Variants in PDE10A observed in about 807,000 individuals in gnomAD.
PDE10A encodes cAMP and cAMP-inhibited cGMP 3',5'-cyclic phosphodiesterase 10A.
In PDE10A, 39 loss-of-function variants were observed where a neutral mutation model predicts 97.7. The ratio of observed to expected loss-of-function variants is 0.40; its 90% CI spans 0.31 to 0.52. The LOEUF (loss-of-function observed/expected upper bound fraction) is 0.52. PDE10A is among the 20% of genes least tolerant of loss of function. The probability of loss-of-function intolerance (pLI) is 0.56; values close to 1 mark genes in which losing one functional copy is unlikely to be tolerated. For synonymous variants in PDE10A, 371 were observed against 376.8 expected (o/e 0.98, Z 0.18); for missense variants, 731 against 1,047.8 (o/e 0.70, Z 4.17).
chr6:165,663,576 CAG>C (rs1583747701), upstream of PDE10A, among the ~76,000 whole-genome samples: 3 of 152,338 alleles, frequency 2.0e-5, no homozygotes, highest in East Asian at 5.8e-4. Flanking sequence ...TGTGCTCAGT[CAG>C]AGTTCCCGGG....
At chr6:165,783,946 G>T (rs374325483) in intron 1 of PDE10A, among the ~76,000 whole-genome samples, 1 of 152,134 alleles carries the variant, frequency 6.6e-6, no homozygotes, top group Non-Finnish European at 1.5e-5. Flanking sequence ...TTGGCCGGGC[G>T]CGGTGGCTCA....
intron 1 of PDE10A, among the ~76,000 whole-genome samples, chr6:165,972,981 C>T (rs1784732701): frequency 1.3e-5 from 2 of 152,102 alleles, no homozygotes; most frequent in South Asian, 4.1e-4. Flanking sequence ...TCTCCCCTTC[C>T]CCTCACCGTC....
At chr6:165,430,892 G>C (rs1351621580) in intron 8 of PDE10A, among the ~76,000 whole-genome samples, 2 of 152,030 alleles carry the variant, frequency 1.3e-5, no homozygotes, top group Non-Finnish European at 2.9e-5. Context: ...AAAATAAAAA[G>C]AGAGAAGGAG....
intron 1 of PDE10A, among the ~76,000 whole-genome samples, chr6:165,748,966 C>T (rs999525296): frequency 3.9e-5 from 6 of 152,070 alleles, no homozygotes; most frequent in Admixed American, 1.3e-4. Context: ...CAAGTTAACC[C>T]GTTTCAGGTT....
intron 1 of PDE10A, among the ~76,000 whole-genome samples, chr6:165,624,164 G>C (rs1274002721): frequency 6.6e-6 from 1 of 152,196 alleles, no homozygotes; most frequent in Non-Finnish European, 1.5e-5. Flanking sequence ...TCTCACAAGA[G>C]TTCCCACAAG....
At chr6:165,526,470 T>A (rs1782454085) in intron 2 of PDE10A, among the ~76,000 whole-genome samples, 1 of 152,238 alleles carries the variant, frequency 6.6e-6, no homozygotes, top group East Asian at 1.9e-4. Context: ...ATGGAAGCCA[T>A]TAGAGCTGCT....
At chr6:165,851,953 T>C (rs1780584753) in intron 1 of PDE10A, among the ~76,000 whole-genome samples, 3 of 152,172 alleles carry the variant, frequency 2.0e-5, no homozygotes, top group Admixed American at 6.5e-5. Context: ...TGTATAGATA[T>C]AGATATATAA....
intron 1 of PDE10A, among the ~76,000 whole-genome samples, chr6:165,865,496 T>C (rs2128477454): frequency 6.6e-6 from 1 of 151,972 alleles, no homozygotes; most frequent in South Asian, 2.1e-4. Flanking sequence ...AATTATGATA[T>C]TAAAAAAACT....
intron 1 of PDE10A, among the ~76,000 whole-genome samples, chr6:165,966,754 T>C (rs1784523651): frequency 6.6e-6 from 1 of 152,216 alleles, no homozygotes; most frequent in Non-Finnish European, 1.5e-5. Context: ...GAGGTGAAAC[T>C]TGTCCCCAAA....
At chr6:165,893,818 A>T (rs6415091) in intron 1 of PDE10A, among the ~76,000 whole-genome samples, 4 of 149,616 alleles carry the variant, frequency 2.7e-5, no homozygotes, top group Non-Finnish European at 5.9e-5. Context: ...CAACAACATT[A>T]GTGCCATTTT....
chr6:165,848,879 A>G (rs1780496370), intron 1 of PDE10A, among the ~76,000 whole-genome samples: 1 of 152,106 alleles, frequency 6.6e-6, no homozygotes, highest in Admixed American at 6.5e-5. Flanking sequence ...GCAGGAGAGA[A>G]TCTGTGATGT....
chr6:165,748,174 T>A (rs571316974), intron 1 of PDE10A, among the ~76,000 whole-genome samples: 5 of 152,198 alleles, frequency 3.3e-5, no homozygotes, highest in African/African-American at 1.2e-4. Context: ...AAATGCTGAG[T>A]CTTCTTTCTT....
chr6:165,658,632 T>C (rs965161083), intron 1 of PDE10A, among the ~76,000 whole-genome samples: 1 of 152,384 alleles, frequency 6.6e-6, no homozygotes. Context: ...ACCTATGTTA[T>C]CTTTTCTAGA....
chr6:165,514,775 G>A (rs1426153317), intron 2 of PDE10A, among the ~76,000 whole-genome samples: 1 of 152,244 alleles, frequency 6.6e-6, no homozygotes, highest in Non-Finnish European at 1.5e-5. Flanking sequence ...GGTACCGGAA[G>A]TAGCTCCAGG....
intron 1 of PDE10A, among the ~76,000 whole-genome samples, chr6:165,886,391 C>T (rs538532333): frequency 6.6e-6 from 1 of 151,982 alleles, no homozygotes; most frequent in African/African-American, 2.4e-5. Flanking sequence ...GAGCCAGAAG[C>T]CCTGGAGCCC....
chr6:165,961,299 A>T (rs1182159088), intron 1 of PDE10A, among the ~76,000 whole-genome samples: 1 of 152,188 alleles, frequency 6.6e-6, no homozygotes, highest in Non-Finnish European at 1.5e-5. Context: ...CTGAGATCAC[A>T]AGCCGGGCAA....
intron 5 of PDE10A, among the ~76,000 whole-genome samples, chr6:165,440,177 C>T (rs1306969590): frequency 6.6e-6 from 1 of 152,130 alleles, no homozygotes. Flanking sequence ...CCCACATTTA[C>T]CTGGAACTTG....
chr6:165,665,439 T>C (rs942114627), upstream of PDE10A, among the ~76,000 whole-genome samples: 5 of 152,172 alleles, frequency 3.3e-5, no homozygotes, highest in Non-Finnish European at 7.3e-5. Context: ...CACTACACTT[T>C]TGTTACTCCA....
At chr6:165,641,713 C>T (rs1416480146) in intron 1 of PDE10A, among the ~76,000 whole-genome samples, 2 of 152,214 alleles carry the variant, frequency 1.3e-5, no homozygotes, top group African/African-American at 4.8e-5. Flanking sequence ...CTGCACCCAC[C>T]GTGTGGTGAT....
Sources: gnomAD v4.1 joint callset for allele counts (sites outside exome capture counted in the v4.1 genomes callset) on GRCh38, gnomAD v4.1.1 for gene constraint, MANE v1.5 for transcripts, NCBI Gene and HGNC (gene_info 2026-07-23, HGNC 2026-07-21) for gene names.